ZPBP: variants seen among roughly 807,000 people sequenced by gnomAD.
ZPBP encodes the protein zona pellucida binding protein.
ZPBP carries 26 observed loss-of-function variants against 44.8 expected under a neutral mutation model. The ratio of observed to expected loss-of-function variants is 0.58; its 90% CI spans 0.43 to 0.81. The LOEUF is 0.81. Among genes scored for constraint, ZPBP ranks in the 30% least tolerant of loss-of-function variants. ZPBP has a pLI of 0.00. For synonymous variants in ZPBP, 174 were observed against 153.2 expected (o/e 1.14, Z -1.00); for missense variants, 409 against 434.0 (o/e 0.94, Z 0.51).
rs116802580 is a variant in ZPBP at position 49,998,991 on chromosome 7, G to A, written c.784-15472C>T. Among the ~76,000 whole-genome samples the A allele has an allele frequency of 7.6e-3, 1,148 of 152,002 alleles. 24 individuals are homozygous for A. The highest frequency in any genetic ancestry group is 0.026 in the African/African-American group (1,088 of 41,456). ...CAAAATCCAAAATTTTTTGAGTCCTGGCAAGAAGCTCATCATAGCATTTTT... is the reference window on the plus strand; with the variant it reads ...CAAAATCCAAAATTTTTTGAGTCCTAGCAAGAAGCTCATCATAGCATTTTT... On this transcript the variant is annotated intron_variant, in intron 6 of 7. Transcript: ENST00000046087.
At chr7:50,010,479 A>G (rs1798518863) in intron 6 of ZPBP, among the ~76,000 whole-genome samples, 1 of 152,128 alleles carries the variant, frequency 6.6e-6, no homozygotes, top group South Asian at 2.1e-4. Context: ...AATTACTAAA[A>G]CGTTATCACA....
intron 1 of ZPBP, among the ~76,000 whole-genome samples, chr7:49,931,817 A>G (rs956841326): frequency 1.5e-4 from 23 of 152,316 alleles, no homozygotes; most frequent in African/African-American, 5.1e-4. Context: ...CCTAGGAGGA[A>G]AAAATGGTTT....
chr7:50,013,419 A>G (rs1798675136), intron 6 of ZPBP, among the ~76,000 whole-genome samples: 1 of 152,036 alleles, frequency 6.6e-6, no homozygotes, highest in African/African-American at 2.4e-5. Context: ...GTTCAACATT[A>G]CACAAATATA....
chr7:49,845,981 T>C (rs1313289732), downstream of ZPBP, among the ~76,000 whole-genome samples: 1 of 152,250 alleles, frequency 6.6e-6, no homozygotes, highest in African/African-American at 2.4e-5. Flanking sequence ...AAATGCTTCC[T>C]TGGTACAGTC....
intron 7 of ZPBP, among the ~76,000 whole-genome samples, chr7:49,973,212 T>C (rs773863396): frequency 4.7e-5 from 7 of 150,194 alleles, no homozygotes; most frequent in Non-Finnish European, 1.0e-4. Context: ...AAAGAAAAAA[T>C]CTGGACTTAA....
In ZPBP at chr7:49,898,307, A is replaced by T. The variant is rs139546584; in HGVS notation, n.509+2811T>A. Among the ~76,000 whole-genome samples, 693 of 151,628 alleles carry T rather than the reference A, an allele frequency of 4.6e-3. 3 individuals carry two copies. The highest frequency in any genetic ancestry group is 8.4e-3 in the Non-Finnish European group (571 of 67,942). On this transcript the variant is annotated intron_variant and non_coding_transcript_variant, in intron 2 of 2. Transcript: ENST00000465922. ...ATCTTTTAAATCAAGGTAAGAAAAC[A>T]TCGAAGTTTTTTTTTTTAAAAAAAC...
chr7:49,984,294 C>T (rs1047888558), intron 6 of ZPBP, among the ~76,000 whole-genome samples: 4 of 152,176 alleles, frequency 2.6e-5, no homozygotes, highest in African/African-American at 7.2e-5. Context: ...TCTTCCATTA[C>T]AATTTCTATA....
intron 7 of ZPBP, among the ~76,000 whole-genome samples, chr7:49,955,543 C>T (rs938308567): frequency 6.6e-6 from 1 of 151,278 alleles, no homozygotes; most frequent in Non-Finnish European, 1.5e-5. Context: ...GGCAAGAGAG[C>T]GAGACTCTGT....
intron 7 of ZPBP, among the ~76,000 whole-genome samples, chr7:49,941,686 C>T (rs117394475): frequency 2.0e-5 from 3 of 151,948 alleles, no homozygotes; most frequent in Non-Finnish European, 4.4e-5. Flanking sequence ...GGTTGGAACA[C>T]AATATTAAAG....
intron 7 of ZPBP, among the ~76,000 whole-genome samples, chr7:49,980,296 TAA>T (rs34050282): frequency 0.38 from 33,445 of 86,920 alleles, 5,536 homozygotes; most frequent in Non-Finnish European, 0.47. Flanking sequence ...TATAAATATA[TAA>T]TATATATAAT....
At chr7:50,063,455 G>C (rs565692106) in intron 3 of ZPBP, among the ~76,000 whole-genome samples, 1 of 152,168 alleles carries the variant, frequency 6.6e-6, no homozygotes, top group Non-Finnish European at 1.5e-5. Context: ...CAACTGCACA[G>C]TAGTTTGTCA....
At chr7:49,842,619 A>G in the ZPBP span, among the ~76,000 whole-genome samples, 5 of 152,220 alleles carry the variant, frequency 3.3e-5, no homozygotes, top group African/African-American at 1.2e-4. Context: ...GAATGTTCTT[A>G]TCAGGAATTG....
intron 1 of ZPBP, among the ~76,000 whole-genome samples, chr7:49,909,868 T>C (rs978348078): frequency 1.3e-5 from 2 of 151,644 alleles, no homozygotes; most frequent in Non-Finnish European, 2.9e-5. Context: ...CTTTGGGAGG[T>C]CAAGGCGGGA....
chr7:49,874,003 AGT>A (rs147898113), intron 2 of ZPBP, among the ~76,000 whole-genome samples: 2 of 151,286 alleles, frequency 1.3e-5, no homozygotes, highest in Non-Finnish European at 3.0e-5. Context: ...TATTGTTTGG[AGT>A]GTGTGTGTGT....
chr7:50,082,743 C>T (rs1004574538), intron 2 of ZPBP, among the ~76,000 whole-genome samples: 2 of 151,782 alleles, frequency 1.3e-5, no homozygotes, highest in Admixed American at 6.6e-5. Flanking sequence ...AGAAAGATCC[C>T]CTCTGTTCTT....
intron 4 of ZPBP, among the ~76,000 whole-genome samples, chr7:50,040,652 C>T (rs186335701): frequency 3.9e-5 from 6 of 152,302 alleles, no homozygotes; most frequent in Admixed American, 2.0e-4. Context: ...CGACAGTCTT[C>T]GCAACCTGCA....
intron 6 of ZPBP, among the ~76,000 whole-genome samples, chr7:49,991,806 G>T (rs1273289564): frequency 6.6e-6 from 1 of 151,912 alleles, no homozygotes; most frequent in Non-Finnish European, 1.5e-5. Flanking sequence ...TAGCCTTGTG[G>T]TGTCCTAGAT....
chr7:49,996,038 T>C (rs1797820424), intron 6 of ZPBP, among the ~76,000 whole-genome samples: 1 of 152,224 alleles, frequency 6.6e-6, no homozygotes, highest in Non-Finnish European at 1.5e-5. Context: ...ATTAAATTAA[T>C]AAATGCTCGA....
At chr7:50,082,820 T>C (rs751138564) in intron 2 of ZPBP, among the ~76,000 whole-genome samples, 4 of 151,926 alleles carry the variant, frequency 2.6e-5, no homozygotes, top group Non-Finnish European at 5.9e-5. Context: ...TCTATATTGA[T>C]TGAGGTGATT....
Sources: allele counts gnomAD v4.1 joint callset (sites outside exome capture counted in the v4.1 genomes callset), GRCh38; gene constraint gnomAD v4.1.1; transcripts MANE v1.5; gene names NCBI Gene and HGNC (gene_info 2026-07-23, HGNC 2026-07-21).